Variants in ADAMTS6 observed in about 807,000 individuals in gnomAD.
ADAMTS6 encodes the protein ADAM metallopeptidase with thrombospondin type 1 motif 6, also known as A disintegrin and metalloproteinase with thrombospondin motifs 6.
In ADAMTS6, 23 loss-of-function variants were observed where a neutral mutation model predicts 144.3. The ratio of observed to expected loss-of-function variants is 0.16; its 90% confidence interval spans 0.11 to 0.23. The LOEUF (loss-of-function observed/expected upper bound fraction) is 0.23, where lower values mean the gene tolerates loss of function less well. ADAMTS6 is among the 10% of genes least tolerant of loss of function. ADAMTS6 has a pLI of 1.00. For synonymous variants in ADAMTS6, 444 were observed against 457.5 expected, an observed-to-expected ratio of 0.97 and a Z score of 0.38; for missense variants, 999 against 1,379.6, an observed-to-expected ratio of 0.72 and a Z score of 4.37.
chr5:65,174,611 G>C (rs574107851), intron 22 of ADAMTS6, among the ~76,000 whole-genome samples: 59 of 152,294 alleles, frequency 3.9e-4, no homozygotes, highest in Admixed American at 7.2e-4. Context: ...GTGGAAGCGT[G>C]GCCTGATCAC....
At chr5:65,224,250 T>A in intron 18 of ADAMTS6, 70 bp downstream of exon 18, 1 of 1,306,798 alleles carries the variant, frequency 7.7e-7, no homozygotes, top group Non-Finnish European at 1.1e-6. Context: ...GCCTTTTCCT[T>A]CATGATACTG....
rs114762726 is a variant in ADAMTS6 at position 65,312,127 on chromosome 5, G to C, written c.1224-11996C>G. Among the ~76,000 whole-genome samples the C allele has an allele frequency of 9.0e-3, 1,374 of 152,038 alleles. 20 individuals are homozygous for C. Among genetic ancestry groups the C allele is most frequent in the African/African-American group, 0.031 (1,297 of 41,524 alleles). On this transcript the variant is annotated intron_variant, in intron 9 of 24. Coordinates refer to ENST00000381055, the MANE Select transcript of ADAMTS6 (RefSeq NM_197941.4). ...AGAGATAACACACATAAAATTACCA[G>C]ATTAAAGAACAGTTTCCTCATGCTG...
intron 20 of ADAMTS6, chr5:65,210,579 T>C: frequency 3.6e-6 from 2 of 553,052 alleles, no homozygotes; most frequent in Admixed American, 2.3e-5. Flanking sequence ...TTGCCAGAAC[T>C]ACCACTGGCA....
chr5:65,414,117 T>G (rs375062098), intron 7 of ADAMTS6, among the ~76,000 whole-genome samples: 2 of 152,128 alleles, frequency 1.3e-5, no homozygotes, highest in Non-Finnish European at 2.9e-5. Context: ...CGGGAATCCA[T>G]GAGGAATCTG....
intron 12 of ADAMTS6, among the ~76,000 whole-genome samples, chr5:65,265,893 A>T (rs1433756427): frequency 6.6e-6 from 1 of 151,960 alleles, no homozygotes; most frequent in Non-Finnish European, 1.5e-5. Flanking sequence ...TGGTAAAAAA[A>T]AATCCATTGG....
At chr5:65,395,287 C>G (rs1461901256) in intron 7 of ADAMTS6, among the ~76,000 whole-genome samples, 1 of 151,802 alleles carries the variant, frequency 6.6e-6, no homozygotes, top group African/African-American at 2.4e-5. Flanking sequence ...TGGATAATCA[C>G]TAAAGACTAT....
intron 7 of ADAMTS6, among the ~76,000 whole-genome samples, chr5:65,404,559 G>A (rs1754267255): frequency 6.6e-6 from 1 of 152,116 alleles, no homozygotes; most frequent in Non-Finnish European, 1.5e-5. Flanking sequence ...TGGACATTTG[G>A]GTTGGTTCCA....
chr5:65,241,816 A>G (rs1261746951), intron 15 of ADAMTS6, among the ~76,000 whole-genome samples: 1 of 152,156 alleles, frequency 6.6e-6, no homozygotes, highest in African/African-American at 2.4e-5. Context: ...AAAAAATACT[A>G]CATGGTTTTG....
At chr5:65,160,351 G>A (rs953926859) in intron 24 of ADAMTS6, among the ~76,000 whole-genome samples, 4 of 149,742 alleles carry the variant, frequency 2.7e-5, no homozygotes, top group African/African-American at 9.9e-5. Context: ...CTGTCGCCCA[G>A]GCTGGAGTGC....
At chr5:65,154,009 A>C (rs1579899992) in intron 24 of ADAMTS6, among the ~76,000 whole-genome samples, 1 of 152,108 alleles carries the variant, frequency 6.6e-6, no homozygotes, top group Non-Finnish European at 1.5e-5. Flanking sequence ...GGAGCATGAG[A>C]CCAGCCTAGC....
chr5:65,206,654 C>T (rs572726544), intron 20 of ADAMTS6, among the ~76,000 whole-genome samples: 127 of 137,092 alleles, frequency 9.3e-4, no homozygotes, highest in African/African-American at 1.5e-3. Context: ...GAGCCATGAT[C>T]GTGCCACTGC....
At chr5:65,314,632 G>A (rs1744813557) in intron 9 of ADAMTS6, among the ~76,000 whole-genome samples, 1 of 151,982 alleles carries the variant, frequency 6.6e-6, no homozygotes, top group Non-Finnish European at 1.5e-5. Context: ...AAGACACAGA[G>A]AAAATCTTGA....
intron 15 of ADAMTS6, among the ~76,000 whole-genome samples, chr5:65,228,878 G>T (rs190455092): frequency 6.6e-6 from 1 of 152,348 alleles, no homozygotes; most frequent in Admixed American, 6.5e-5. Flanking sequence ...GAGCAGAGAA[G>T]AGAGGCCATA....
At chr5:65,402,786 T>C (rs1754043600) in intron 7 of ADAMTS6, among the ~76,000 whole-genome samples, 1 of 152,026 alleles carries the variant, frequency 6.6e-6, no homozygotes, top group Non-Finnish European at 1.5e-5. Flanking sequence ...ACATCATCAA[T>C]TTTGGTCTAG....
chr5:65,187,987 C>T, intron 22 of ADAMTS6, 29 bp downstream of exon 22: 1 of 1,610,088 alleles, frequency 6.2e-7, no homozygotes, highest in Non-Finnish European at 8.5e-7. Flanking sequence ...CATTTCAAAA[C>T]ATATACATAT....
At chr5:65,323,396 C>T (rs1304750853) in intron 9 of ADAMTS6, among the ~76,000 whole-genome samples, 1 of 151,222 alleles carries the variant, frequency 6.6e-6, no homozygotes, top group East Asian at 2.0e-4. Context: ...CAATAGTTTG[C>T]TGAGGATGAT....
Position 65,419,112 on chromosome 5 carries a change from G to A in ADAMTS6, c.1073+32363C>T, listed in dbSNP as rs113999470. 4.2e-3 allele frequency among the ~76,000 whole-genome samples: 633 copies of A among 152,202 alleles called. 2 individuals are homozygous for A. Among genetic ancestry groups the A allele is most frequent in the African/African-American group, 0.015 (604 of 41,512 alleles). ...CACACGTAATCTCCTGTTCATCACC[G>A]CACTATTCACAATAGCAAAGACATG... On this transcript the variant is annotated intron_variant, in intron 7 of 24. Coordinates refer to ENST00000381055, the MANE Select transcript of ADAMTS6 (RefSeq NM_197941.4).
At chr5:65,224,050 T>C (rs529128600) in intron 18 of ADAMTS6, among the ~76,000 whole-genome samples, 18 of 152,150 alleles carry the variant, frequency 1.2e-4, no homozygotes, top group Non-Finnish European at 2.6e-4. Flanking sequence ...TCCACCCGCC[T>C]CGGCCTCCCA....
chr5:65,387,124 G>A (rs993519919), intron 7 of ADAMTS6, among the ~76,000 whole-genome samples: 27 of 152,064 alleles, frequency 1.8e-4, no homozygotes, highest in Non-Finnish European at 7.4e-5. Flanking sequence ...GTCATTCTTT[G>A]GTTCAAATAT....
Sources: allele counts gnomAD v4.1 joint callset (sites outside exome capture counted in the v4.1 genomes callset), GRCh38; gene constraint gnomAD v4.1.1; transcripts MANE v1.5; gene names NCBI Gene and HGNC (gene_info 2026-07-23, HGNC 2026-07-21).